Variants in KIFAP3 observed in about 807,000 individuals in gnomAD.
KIFAP3 encodes the protein kinesin associated protein 3.
KIFAP3 carries 68 observed loss-of-function variants against 106.5 expected under a neutral mutation model. That is an observed-to-expected ratio of 0.64 (90% CI 0.53 to 0.78). The LOEUF is 0.78. KIFAP3 is among the 30% of genes least tolerant of loss of function. The pLI, the probability that KIFAP3 is intolerant of heterozygous loss-of-function variation, is 0.00. For synonymous variants in KIFAP3, 320 were observed against 311.5 expected (o/e 1.03, Z -0.29); for missense variants, 780 against 941.8 (o/e 0.83, Z 2.25).
chr1:170,042,369 G>C (rs1421022898), intron 3 of KIFAP3, among the ~76,000 whole-genome samples: 1 of 152,182 alleles, frequency 6.6e-6, no homozygotes, highest in Non-Finnish European at 1.5e-5. Context: ...GCTGGCAACA[G>C]GGTAGTAAGA....
intron 19 of KIFAP3, among the ~76,000 whole-genome samples, chr1:169,929,587 G>A (rs1380727432): frequency 6.6e-6 from 1 of 152,050 alleles, no homozygotes. Context: ...GCATGGTTAA[G>A]CAGTCTTCTA....
chr1:170,055,243 G>T (rs897478130), intron 2 of KIFAP3, 62 bp downstream of exon 2: 10 of 1,431,054 alleles, frequency 7.0e-6, no homozygotes, highest in African/African-American at 1.4e-5. Flanking sequence ...AATAATATCA[G>T]ATTTGTATAA....
intron 10 of KIFAP3, among the ~76,000 whole-genome samples, chr1:170,013,518 A>G (rs545247237): frequency 6.7e-6 from 1 of 150,182 alleles, no homozygotes; most frequent in Non-Finnish European, 1.5e-5. Context: ...ATATATGTAT[A>G]TTTTAGGTAA....
At chr1:170,064,591 C>T (rs1047571586) in intron 1 of KIFAP3, among the ~76,000 whole-genome samples, 1 of 152,106 alleles carries the variant, frequency 6.6e-6, no homozygotes, top group Admixed American at 6.5e-5. Context: ...TGGGCTCAAG[C>T]GATCCACCAG....
At chr1:170,057,542 A>T (rs891064661) in intron 1 of KIFAP3, among the ~76,000 whole-genome samples, 1 of 151,902 alleles carries the variant, frequency 6.6e-6, no homozygotes, top group African/African-American at 2.4e-5. Flanking sequence ...ATACATTCAG[A>T]TATTTTTCTA....
At chr1:170,030,818 T>C (rs534336654) in intron 8 of KIFAP3, among the ~76,000 whole-genome samples, 43 of 151,710 alleles carry the variant, frequency 2.8e-4, no homozygotes, top group Non-Finnish European at 4.7e-4. Flanking sequence ...AAGGGAGAGA[T>C]TGTAAAGATG....
chr1:170,057,001 G>A (rs955149166), intron 1 of KIFAP3, among the ~76,000 whole-genome samples: 7 of 151,996 alleles, frequency 4.6e-5, no homozygotes, highest in Non-Finnish European at 8.8e-5. Flanking sequence ...AGAAGTCACA[G>A]GAAACAAAAG....
intron 9 of KIFAP3, among the ~76,000 whole-genome samples, chr1:170,021,941 C>CTTTTTTTTTTTTTTTTTTT (rs71125221): frequency 3.9e-5 from 3 of 77,902 alleles, no homozygotes; most frequent in Non-Finnish European, 7.5e-5. Flanking sequence ...TCTTTTCTTT[C>CTTTTTTTTTTTTTTTTTTT]TTTTTTTTTT....
At chr1:170,000,728 A>G (rs974328880) in intron 10 of KIFAP3, among the ~76,000 whole-genome samples, 1 of 152,118 alleles carries the variant, frequency 6.6e-6, no homozygotes, top group African/African-American at 2.4e-5. Context: ...GCACAGACCA[A>G]TGTTTAAGAC....
intron 1 of KIFAP3, among the ~76,000 whole-genome samples, chr1:170,073,755 A>T (rs1437266103): frequency 6.6e-6 from 1 of 152,060 alleles, no homozygotes; most frequent in Non-Finnish European, 1.5e-5. Flanking sequence ...GCCAGCACCC[A>T]AATAATCCCA....
chr1:170,039,067 C>G (rs1046357704), intron 4 of KIFAP3, among the ~76,000 whole-genome samples, 166 bp downstream of exon 4: 2 of 152,190 alleles, frequency 1.3e-5, no homozygotes, highest in African/African-American at 4.8e-5. Context: ...AATACTTTTT[C>G]TCTTTTTCAA....
At chr1:170,083,876 A>G (rs1019599341) in intron 1 of KIFAP3, among the ~76,000 whole-genome samples, 1 of 152,238 alleles carries the variant, frequency 6.6e-6, no homozygotes, top group Non-Finnish European at 1.5e-5. Flanking sequence ...TTTTGTTAGA[A>G]TCTTATAAAT....
chr1:170,009,109 T>TG lies in KIFAP3; in HGVS notation c.1183+7352dup, dbSNP rs1425315720. Among the ~76,000 whole-genome samples the TG allele has an allele frequency of 6.6e-5, 10 of 151,934 alleles. 1 individual carries two copies. The South Asian group carries it at 2.1e-3, about 32-fold the overall frequency. On this transcript the variant is annotated intron_variant, in intron 10 of 19. Coordinates refer to ENST00000361580, the MANE Select transcript of KIFAP3 (RefSeq NM_014970.4). ...TCACACACCAGGACCTGTCGGGTGG[T>TG]GGGGGGAAGGGGCAGGAATAGCATT...
At chr1:170,055,787 TAAAAGTCAGTTATTCAAAACC>T (rs1329312125) in intron 1 of KIFAP3, among the ~76,000 whole-genome samples, 1 of 152,120 alleles carries the variant, frequency 6.6e-6, no homozygotes, top group Non-Finnish European at 1.5e-5. Context: ...TGACCTCAAC[TAAAAGTCAGTTATTCAAAACC>T]AAAGGCAACT....
chr1:169,939,417 G>T (rs1232126165), intron 19 of KIFAP3, among the ~76,000 whole-genome samples: 2 of 152,186 alleles, frequency 1.3e-5, no homozygotes, highest in Non-Finnish European at 2.9e-5. Context: ...AAGATTAAGG[G>T]AGGAACCTGT....
intron 2 of KIFAP3, among the ~76,000 whole-genome samples, chr1:170,049,672 C>T (rs1192678072): frequency 6.6e-6 from 1 of 152,206 alleles, no homozygotes; most frequent in Non-Finnish European, 1.5e-5. Flanking sequence ...TCAGCAGCTT[C>T]CACTGGTAAT....
intron 17 of KIFAP3, among the ~76,000 whole-genome samples, chr1:169,969,340 A>T (rs1312027596): frequency 1.3e-5 from 2 of 152,020 alleles, no homozygotes; most frequent in Non-Finnish European, 2.9e-5. Flanking sequence ...AAGATTATTA[A>T]TAAGACCACC....
At chr1:169,998,491 G>C (rs1311684039) in intron 10 of KIFAP3, among the ~76,000 whole-genome samples, 2 of 151,258 alleles carry the variant, frequency 1.3e-5, no homozygotes, top group African/African-American at 4.9e-5. Flanking sequence ...GGTGATGACA[G>C]AGCTAAGGGA....
intron 1 of KIFAP3, 136 bp downstream of exon 1, chr1:170,074,300 C>T (rs1671832677): frequency 9.5e-7 from 1 of 1,051,328 alleles, no homozygotes; most frequent in Non-Finnish European, 1.4e-6. Context: ...TTTTCCCTCT[C>T]CTTTCGGTGA....
Sources: allele counts gnomAD v4.1 joint callset (sites outside exome capture counted in the v4.1 genomes callset), GRCh38; gene constraint gnomAD v4.1.1; transcripts MANE v1.5; gene names NCBI Gene and HGNC (gene_info 2026-07-23, HGNC 2026-07-21).